TM9SF4: variants seen among roughly 807,000 people sequenced by gnomAD.
TM9SF4 encodes the protein transmembrane 9 superfamily member 4.
TM9SF4 carries 26 observed loss-of-function variants against 90.4 expected under a neutral mutation model. The ratio of observed to expected loss-of-function variants is 0.29; its 90% confidence interval spans 0.21 to 0.40. The LOEUF is 0.40. Among genes scored for constraint, TM9SF4 ranks in the 10% least tolerant of loss-of-function variants. The probability of loss-of-function intolerance (pLI) is 1.00; values close to 1 mark genes in which losing one functional copy is unlikely to be tolerated. For missense variants in TM9SF4, 549 were observed against 834.8 expected (o/e 0.66, Z 4.22); for synonymous variants, 293 against 315.4 (o/e 0.93, Z 0.75).
At chr20:32,125,622 A>G (rs2046407723) in intron 1 of TM9SF4, among the ~76,000 whole-genome samples, 1 of 151,156 alleles carries the variant, frequency 6.6e-6, no homozygotes, top group Non-Finnish European at 1.5e-5. Flanking sequence ...CCGCTTCGGT[A>G]CCTGGCTGCT....
intron 5 of TM9SF4, 104 bp from the exon 6 acceptor site, chr20:32,142,878 G>A: frequency 6.8e-7 from 1 of 1,474,044 alleles, no homozygotes; most frequent in Non-Finnish European, 9.3e-7. Context: ...AGTGTTTTAG[G>A]AAGGTTGGTA....
intron 1 of TM9SF4, among the ~76,000 whole-genome samples, chr20:32,119,713 G>A (rs2046277308): frequency 6.6e-6 from 1 of 151,752 alleles, no homozygotes; most frequent in African/African-American, 2.4e-5. Flanking sequence ...AATGGATTCT[G>A]GTTTTGGTGT....
chr20:32,140,997 C>T (rs1369009252), intron 3 of TM9SF4, among the ~76,000 whole-genome samples: 1 of 151,992 alleles, frequency 6.6e-6, no homozygotes, highest in Non-Finnish European at 1.5e-5. Context: ...ATGGGCAGAT[C>T]ATGAGGTCAG....
intron 1 of TM9SF4, among the ~76,000 whole-genome samples, chr20:32,116,883 TTTTTTG>T (rs1352483640): frequency 4.1e-5 from 4 of 97,718 alleles, no homozygotes; most frequent in African/African-American, 1.6e-4. Flanking sequence ...TTTTTTTTTT[TTTTTTG>T]CTTAATCTGA....
At chr20:32,121,078 C>T (rs1262158937) in intron 1 of TM9SF4, among the ~76,000 whole-genome samples, 5 of 152,044 alleles carry the variant, frequency 3.3e-5, no homozygotes, top group Admixed American at 2.0e-4. Context: ...GATAGTTGTC[C>T]GTAGTTTCCA....
At chr20:32,147,230 G>A (rs1600826153) in intron 9 of TM9SF4, among the ~76,000 whole-genome samples, 1 of 151,800 alleles carries the variant, frequency 6.6e-6, no homozygotes, top group African/African-American at 2.4e-5. Context: ...CATCTGCCTC[G>A]GCCTCCGAAA....
chr20:32,145,552 C>T (rs2046752168), intron 8 of TM9SF4, 129 bp downstream of exon 8: 6 of 732,642 alleles, frequency 8.2e-6, no homozygotes, highest in Admixed American at 4.4e-5. Context: ...GACATCAGGG[C>T]TCTGCTAAGC....
At position 32,157,952 on chromosome 20, in the gene TM9SF4, C is replaced by CTCGGG; in HGVS notation, c.1488_1489insTCGGG (p.Met497SerfsTer3). Reference sequence around the variant, plus strand: ...GGCAGATCCCCGAGCAGCGGTGGTACATGAACCGATTTGTGGGGTGAGTCC... The same window carrying CTCGGG: ...GGCAGATCCCCGAGCAGCGGTGGTACTCGGGATGAACCGATTTGTGGGGTGAGTCC... On this transcript the variant is annotated frameshift_variant, in exon 14 of 18. Coordinates refer to ENST00000398022, the MANE Select transcript of TM9SF4 (RefSeq NM_014742.4). LOFTEE classifies it high-confidence loss of function. The CTCGGG allele has an allele frequency of 1.2e-6, 2 of 1,614,116 alleles. No homozygotes were observed. Among genetic ancestry groups the CTCGGG allele is most frequent in the Non-Finnish European group, 8.5e-7 (1 of 1,180,016 alleles).
chr20:32,111,830 G>A (rs1418306256), intron 1 of TM9SF4, among the ~76,000 whole-genome samples: 2 of 152,212 alleles, frequency 1.3e-5, no homozygotes, highest in East Asian at 3.8e-4. Context: ...GGAACACACA[G>A]AAGGCTGGAG....
At chr20:32,125,121 G>C (rs2122347734) in intron 1 of TM9SF4, among the ~76,000 whole-genome samples, 1 of 152,238 alleles carries the variant, frequency 6.6e-6, no homozygotes, top group Admixed American at 6.5e-5. Flanking sequence ...GGTGACGGTT[G>C]CATAGCTTTC....
intron 17 of TM9SF4, 142 bp from the exon 18 acceptor site, chr20:32,165,153 G>A: frequency 9.5e-7 from 1 of 1,049,516 alleles, no homozygotes; most frequent in Non-Finnish European, 1.4e-6. Flanking sequence ...AACCCTGCCT[G>A]CCGCTTGCCA....
rs1224343277 is a variant in TM9SF4 at position 32,158,447 on chromosome 20, G to T, written c.1506-4G>T. ...AACAATGTCAACCTCTCGTTCTGTG[G>T]CAGCATCCTCATGGCTGGGATCTTG... is the stretch of plus-strand genomic sequence containing the variant. On this transcript the variant is annotated splice_region_variant and splice_polypyrimidine_tract_variant and intron_variant, in intron 14 of 17. Coordinates refer to ENST00000398022, the MANE Select transcript of TM9SF4 (RefSeq NM_014742.4). 7 of 1,614,084 alleles carry T rather than the reference G, an allele frequency of 4.3e-6. No individual in the cohort carries two copies. In the African/African-American group the frequency reaches 9.3e-5, roughly 22 times the overall value.
chr20:32,131,668 C>G (rs186980793), intron 1 of TM9SF4, among the ~76,000 whole-genome samples: 1 of 152,226 alleles, frequency 6.6e-6, no homozygotes, highest in East Asian at 1.9e-4. Context: ...TAGTCAGATA[C>G]AGAAACTGAC....
At chr20:32,138,377 C>T (rs1270291717) in intron 3 of TM9SF4, among the ~76,000 whole-genome samples, 4 of 152,196 alleles carry the variant, frequency 2.6e-5, no homozygotes, top group African/African-American at 9.7e-5. Flanking sequence ...GCCTGTAATC[C>T]CAGCACTTTG....
At chr20:32,127,700 G>A (rs1029766430) in intron 1 of TM9SF4, among the ~76,000 whole-genome samples, 1 of 152,220 alleles carries the variant, frequency 6.6e-6, no homozygotes, top group Non-Finnish European at 1.5e-5. Context: ...GTGTATTGAA[G>A]TCTTTCAGGA....
chr20:32,119,625 T>G (rs182727847), intron 1 of TM9SF4, among the ~76,000 whole-genome samples: 17 of 152,214 alleles, frequency 1.1e-4, no homozygotes, highest in East Asian at 1.9e-4. Flanking sequence ...TGGCCCATCT[T>G]TTCATTTTCT....
intron 3 of TM9SF4, among the ~76,000 whole-genome samples, chr20:32,139,559 C>T (rs2046641510): frequency 6.6e-6 from 1 of 152,218 alleles, no homozygotes; most frequent in Admixed American, 6.5e-5. Flanking sequence ...CCCCCCACCA[C>T]CACCACTGCT....
At chr20:32,164,959 C>T (rs1049635345) in intron 17 of TM9SF4, among the ~76,000 whole-genome samples, 1 of 152,222 alleles carries the variant, frequency 6.6e-6, no homozygotes, top group African/African-American at 2.4e-5. Context: ...TCCCCTCCCC[C>T]ACCCACTCCG....
intron 1 of TM9SF4, among the ~76,000 whole-genome samples, chr20:32,122,733 C>G (rs951702825): frequency 1.3e-5 from 2 of 152,014 alleles, no homozygotes; most frequent in African/African-American, 4.8e-5. Context: ...GATGGGTGGC[C>G]AGGCAAAGAT....
Sources: gnomAD v4.1 joint callset for allele counts (sites outside exome capture counted in the v4.1 genomes callset) on GRCh38, gnomAD v4.1.1 for gene constraint, MANE v1.5 for transcripts, NCBI Gene and HGNC (gene_info 2026-07-23, HGNC 2026-07-21) for gene names.